NOX4: variants seen among roughly 807,000 people sequenced by gnomAD.
NOX4 encodes the protein NADPH oxidase 4.
A neutral mutation model predicts 87.6 loss-of-function variants in NOX4; 69 were observed. The observed-to-expected ratio is 0.79, with a 90% CI of 0.65 to 0.96. The LOEUF is 0.96. NOX4 is among the 40% of genes least tolerant of loss of function. The pLI is 0.00. For missense variants in NOX4, 680 were observed against 681.5 expected (o/e 1.00, Z 0.02); for synonymous variants, 275 against 238.2 (o/e 1.15, Z -1.42).
chr11:89,393,085 C>T (rs753796185), intron 11 of NOX4, among the ~76,000 whole-genome samples: 18 of 152,242 alleles, frequency 1.2e-4, no homozygotes, highest in Admixed American at 3.9e-4. Context: ...CGATCTAATG[C>T]GGTGGTTGTC....
In NOX4 at chr11:89,372,268, A is replaced by G. The variant is rs1939503526; in HGVS notation, c.1135+1164T>C. On this transcript the variant is annotated intron_variant, in intron 12 of 17. Coordinates refer to ENST00000263317, the MANE Select transcript of NOX4 (RefSeq NM_016931.5). Reference sequence around the variant, plus strand: ...TCCAACTAGCAACTTAATTAATACCATTTTCATCATAGTGCTTCAAATGCT... The same window carrying G: ...TCCAACTAGCAACTTAATTAATACCGTTTTCATCATAGTGCTTCAAATGCT... Among the ~76,000 whole-genome samples, 6 of 151,650 alleles carry G rather than the reference A, an allele frequency of 4.0e-5. No individual in the cohort carries two copies. The South Asian group carries it at 1.2e-3, about 31-fold the overall frequency.
chr11:89,397,157 A>C lies in NOX4; in HGVS notation c.1074+2860T>G, dbSNP rs529000832. ...TGCAATCAAGTTAGAACTCAGGATT[A>C]AGAAACTCACTCAAAACTGCTCAAC... On this transcript the variant is annotated intron_variant, in intron 11 of 17. Transcript: ENST00000263317. Among the ~76,000 whole-genome samples the C allele has an allele frequency of 2.6e-5, 4 of 152,330 alleles. No homozygotes were observed. The South Asian group carries it at 8.3e-4, about 32-fold the overall frequency.
At chr11:89,462,315 G>A (rs1267485686) in intron 2 of NOX4, among the ~76,000 whole-genome samples, 2 of 152,028 alleles carry the variant, frequency 1.3e-5, no homozygotes, top group Non-Finnish European at 2.9e-5. Flanking sequence ...TTACAAACTC[G>A]ATGTAACTCC....
At chr11:89,375,223 A>G (rs1321409283) in intron 11 of NOX4, among the ~76,000 whole-genome samples, 1 of 152,156 alleles carries the variant, frequency 6.6e-6, no homozygotes, top group Non-Finnish European at 1.5e-5. Flanking sequence ...TTTAAATAAC[A>G]TTGTTTAAAT....
chr11:89,386,269 A>G (rs899049208), intron 11 of NOX4, among the ~76,000 whole-genome samples: 3 of 152,066 alleles, frequency 2.0e-5, no homozygotes, highest in African/African-American at 7.2e-5. Context: ...CATCCCTACT[A>G]TCTTCTGTCT....
chr11:89,486,215 G>A (rs953624481), intron 2 of NOX4, among the ~76,000 whole-genome samples: 1 of 136,692 alleles, frequency 7.3e-6, no homozygotes, highest in Non-Finnish European at 1.7e-5. Context: ...AAACTCAGAA[G>A]ATGAGACAGA....
intron 12 of NOX4, among the ~76,000 whole-genome samples, chr11:89,360,432 A>G (rs1429751749): frequency 6.6e-6 from 1 of 152,130 alleles, no homozygotes; most frequent in Non-Finnish European, 1.5e-5. Context: ...GCATATGTAT[A>G]CCAGAGATAT....
rs1027519792 is a variant in NOX4 at position 89,432,673 on chromosome 11, C to G, written c.548+111G>C. ...CAGCTATACTTCACTCTTACTTACC[C>G]AGAATAGTCCATTAACCAGGACACT... On this transcript the variant is annotated intron_variant, in intron 7 of 17. Coordinates refer to ENST00000263317, the MANE Select transcript of NOX4 (RefSeq NM_016931.5). 7 of 735,494 alleles carry G rather than the reference C, an allele frequency of 9.5e-6. No individual in the cohort carries two copies. In the East Asian group the frequency reaches 1.9e-4, roughly 20 times the overall value. 45.6% of individuals were successfully genotyped at this position (735,494 alleles called of 1,614,324 possible). A position where few individuals can be genotyped will look rare whatever the true frequency, so the allele number is the denominator to read the frequency against.
the NOX4 span, among the ~76,000 whole-genome samples, chr11:89,516,423 C>G: frequency 6.6e-6 from 1 of 152,084 alleles, no homozygotes; most frequent in Non-Finnish European, 1.5e-5. Context: ...ATCAGACTAA[C>G]TATGGTTTCC....
At chr11:89,408,563 T>G (rs1467265297) in intron 8 of NOX4, among the ~76,000 whole-genome samples, 1 of 152,124 alleles carries the variant, frequency 6.6e-6, no homozygotes, top group East Asian at 1.9e-4. Context: ...ACCAAAGCTT[T>G]TACTCCCACC....
At chr11:89,502,256 C>G (rs535434268), upstream of NOX4, among the ~76,000 whole-genome samples, 1 of 151,944 alleles carries the variant, frequency 6.6e-6, no homozygotes, top group East Asian at 1.9e-4. Flanking sequence ...TAGAACCCCA[C>G]GAGTCTTATC....
At chr11:89,327,355 A>C (rs1162086866) in intron 17 of NOX4, among the ~76,000 whole-genome samples, 1 of 152,220 alleles carries the variant, frequency 6.6e-6, no homozygotes, top group African/African-American at 2.4e-5. Flanking sequence ...ATGAATAAGG[A>C]AGGAAAGAAA....
chr11:89,565,130 C>G, the NOX4 span, among the ~76,000 whole-genome samples: 1 of 152,174 alleles, frequency 6.6e-6, no homozygotes, highest in Non-Finnish European at 1.5e-5. Context: ...TCTTCCTATT[C>G]ATGAACATAT....
At chr11:89,505,951 G>A in the NOX4 span, among the ~76,000 whole-genome samples, 1 of 151,822 alleles carries the variant, frequency 6.6e-6, no homozygotes. Flanking sequence ...TGGAAAACAA[G>A]TAGGGTGAGG....
the NOX4 span, among the ~76,000 whole-genome samples, chr11:89,542,491 G>A: frequency 6.6e-6 from 1 of 152,124 alleles, no homozygotes; most frequent in Admixed American, 6.5e-5. Context: ...CTTGTTGATT[G>A]TGAGCCAATA....
intron 2 of NOX4, among the ~76,000 whole-genome samples, chr11:89,464,335 T>C (rs957011294): frequency 6.3e-4 from 96 of 152,282 alleles, no homozygotes; most frequent in African/African-American, 2.0e-3. Flanking sequence ...TGTTCCTGAA[T>C]ATAGTTAGTT....
intron 11 of NOX4, among the ~76,000 whole-genome samples, chr11:89,377,383 A>G (rs75343671): frequency 0.02 from 3,039 of 152,260 alleles, 93 homozygotes; most frequent in African/African-American, 0.069. Flanking sequence ...ATACACATTC[A>G]CCTAAGTCTA....
chr11:89,438,886 T>C (rs1462597845), intron 6 of NOX4, among the ~76,000 whole-genome samples: 10 of 53,702 alleles, frequency 1.9e-4, no homozygotes, highest in Non-Finnish European at 2.8e-4. Flanking sequence ...ATATATAATA[T>C]ATTATATATT....
At chr11:89,422,497 A>T (rs1166704167) in intron 7 of NOX4, among the ~76,000 whole-genome samples, 1 of 152,154 alleles carries the variant, frequency 6.6e-6, no homozygotes, top group Admixed American at 6.5e-5. Context: ...GCTCTGGGGG[A>T]GGACAAAGAC....
Sources: allele counts gnomAD v4.1 joint callset (sites outside exome capture counted in the v4.1 genomes callset), GRCh38; gene constraint gnomAD v4.1.1; transcripts MANE v1.5; gene names NCBI Gene and HGNC (gene_info 2026-07-23, HGNC 2026-07-21).